Variants in TRMT44 observed in about 807,000 individuals in gnomAD.
The protein encoded by TRMT44 is tRNA methyltransferase 44 homolog.
In TRMT44, 78 loss-of-function variants were observed where a neutral mutation model predicts 77.3. The ratio of observed to expected loss-of-function variants is 1.01; its 90% confidence interval spans 0.84 to 1.22. The LOEUF (loss-of-function observed/expected upper bound fraction) is 1.22. Ranked by LOEUF, TRMT44 falls within the 50% of genes most tolerant of loss-of-function variation. The probability of loss-of-function intolerance (pLI) is 0.00; values close to 1 mark genes in which losing one functional copy is unlikely to be tolerated. For synonymous variants in TRMT44, 391 were observed against 383.3 expected (o/e 1.02, Z -0.23); for missense variants, 1,090 against 964.4 (o/e 1.13, Z -1.73).
chr4:8,474,610 C>T (rs766588876), intron 10 of TRMT44, among the ~76,000 whole-genome samples: 19 of 152,224 alleles, frequency 1.2e-4, no homozygotes, highest in African/African-American at 3.1e-4. Flanking sequence ...AGGCAGAATT[C>T]GAGCTTTAAT....
rs565699312 is a variant in TRMT44 at position 8,468,187 on chromosome 4, C to T, written c.1768C>T (p.His590Tyr). Residue 590 changes from histidine (H) to tyrosine (Y), a missense_variant, in exon 9 of 11, where the codon CAT becomes TAT. Physicochemically the swap from His to Tyr is moderately conservative, Grantham distance 83 (BLOSUM62 2). Transcript: ENST00000389737. ...QAEGPWLPGF[H>Y]PREKAERVRN... ...TGAAGGACCCTGGCTACCTGGATTT[C>T]ATCCCAGAGAAAAGGCTGAGCGTGT... 16 of 1,614,214 alleles carry T rather than the reference C, an allele frequency of 9.9e-6. 1 individual carries two copies. In the African/African-American group the frequency reaches 1.7e-4, roughly 17 times the overall value.
chr4:8,457,214 T>G (rs912599737), intron 6 of TRMT44, among the ~76,000 whole-genome samples: 4 of 152,040 alleles, frequency 2.6e-5, no homozygotes, highest in Non-Finnish European at 5.9e-5. Context: ...TCTGTGCAAA[T>G]GGAATCAGAT....
At chr4:8,449,949 C>CTTTTTTTTTCTTTTTTTT in intron 3 of TRMT44, 61 bp downstream of exon 3, 3 of 238,688 alleles carry the variant, frequency 1.3e-5, no homozygotes, top group South Asian at 6.0e-5. Flanking sequence ...CTTTTCTTTT[C>CTTTTTTTTTCTTTTTTTT]TTTTTTTTTT....
At chr4:8,474,231 C>G (rs968968126) in intron 10 of TRMT44, among the ~76,000 whole-genome samples, 1 of 152,202 alleles carries the variant, frequency 6.6e-6, no homozygotes, top group Non-Finnish European at 1.5e-5. Context: ...AAGCTCTGGC[C>G]CCTGGGGCTC....
At position 8,467,489 on chromosome 4, in the gene TRMT44, T is replaced by G. The variant is rs370463249; in HGVS notation, c.1495-425T>G. Among the ~76,000 whole-genome samples the G allele has an allele frequency of 1.8e-4, 28 of 152,268 alleles. No homozygotes were observed. The East Asian group carries it at 4.4e-3, about 24-fold the overall frequency. On this transcript the variant is annotated intron_variant, in intron 8 of 10. Transcript: ENST00000389737. ...TATTTTGTATTTATTTTTATTGATT[T>G]ATTTATTTTGAGATGGAGTTTTTGC...
intron 10 of TRMT44, among the ~76,000 whole-genome samples, chr4:8,471,490 G>T (rs375816504): frequency 6.6e-6 from 1 of 152,232 alleles, no homozygotes; most frequent in Non-Finnish European, 1.5e-5. Flanking sequence ...CTTGCTCCAC[G>T]CAGGACAGAG....
In TRMT44 at chr4:8,440,944, C is replaced by G. The variant is rs1490584294; in HGVS notation, c.122C>G (p.Ala41Gly). The G allele has an allele frequency of 6.5e-7, 1 of 1,529,438 alleles. No homozygotes were observed. Among genetic ancestry groups the G allele is most frequent in the Non-Finnish European group, 8.7e-7 (1 of 1,145,180 alleles). The allele number at this position is 1,529,438 out of a possible 1,614,324, so 94.7% of individuals were successfully genotyped here. ...PQVANKRLCGARLEARWSAAL... is the reference protein window; with the variant it reads ...PQVANKRLCGGRLEARWSAAL... ...GTGGCAAACAAACGGCTTTGCGGCG[C>G]CCGCCTGGAGGCCCGCTGGAGCGCC... The change falls in exon 1 of 11, where the codon GCC becomes GGC. Residue 41 changes from alanine (A) to glycine (G), a missense_variant. Transcript: ENST00000389737.
intron 2 of TRMT44, among the ~76,000 whole-genome samples, chr4:8,448,067 G>A (rs891725551): frequency 3.3e-5 from 5 of 152,036 alleles, no homozygotes; most frequent in Non-Finnish European, 5.9e-5. Flanking sequence ...GACGTTCACT[G>A]CTCTTTAACG....
intron 9 of TRMT44, 50 bp from the exon 10 acceptor site, chr4:8,471,034 G>A (rs375261110): frequency 1.1e-5 from 15 of 1,305,982 alleles, no homozygotes; most frequent in African/African-American, 5.9e-5. Flanking sequence ...TGACAGGTTC[G>A]TAATATTTTG....
In TRMT44 at chr4:8,440,860, G is replaced by A; in HGVS notation, c.38G>A (p.Gly13Asp). The A allele has an allele frequency of 1.3e-6, 2 of 1,518,226 alleles. No homozygotes were observed. Among genetic ancestry groups the A allele is most frequent in the Non-Finnish European group, 1.8e-6 (2 of 1,139,500 alleles). The allele number at this position is 1,518,226 out of a possible 1,614,324, so 94.0% of individuals were successfully genotyped here. Residue 13 changes from glycine to aspartate, a missense_variant, in exon 1 of 11, where the codon GGC becomes GAC. By Grantham distance (94) the Gly-to-Asp change is moderately conservative (BLOSUM62 -1). Transcript: ENST00000389737. ...GGCCGTACCGGGATCAGCTACCCAG[G>A]CGCGCTTCTCCCACAGGGCTTCTGG... ...EVGRTGISYP[G>D]ALLPQGFWAA...
the TRMT44 span, among the ~76,000 whole-genome samples, chr4:8,503,866 G>T: frequency 6.6e-6 from 1 of 152,206 alleles, no homozygotes; most frequent in Middle Eastern, 3.2e-3. Context: ...AGCCCCTCTT[G>T]TTCTTATCCT....
At chr4:8,471,054 T>A (rs1382666769) in intron 9 of TRMT44, 30 bp from the exon 10 acceptor site, 2 of 1,502,862 alleles carry the variant, frequency 1.3e-6, no homozygotes, top group Non-Finnish European at 9.1e-7. Context: ...GCTGTTGTTT[T>A]GGGGAAAAAA....
At chr4:8,473,840 G>A (rs1727188482) in intron 10 of TRMT44, among the ~76,000 whole-genome samples, 1 of 152,174 alleles carries the variant, frequency 6.6e-6, no homozygotes, top group Admixed American at 6.5e-5. Flanking sequence ...GGTGTTAAGA[G>A]GGGCGGCCGG....
In TRMT44 at chr4:8,446,497, C is replaced by T. The variant is rs982649491; in HGVS notation, c.641C>T (p.Thr214Met). The stretch of plus-strand genomic sequence containing the variant: ...CCAGATGTCCTCAATGGAACCATAA[C>T]GTTTTTGCCTTTGGAAGAAGATGAT... ...VVQDVLNGTITFLPLEEDDEG... is the reference protein window; with the variant it reads ...VVQDVLNGTIMFLPLEEDDEG... Residue 214 changes from threonine (T) to methionine (M), a missense_variant, in exon 2 of 11, where the codon ACG becomes ATG. Transcript: ENST00000389737. The surrounding 1 kb of genome is among the most constrained non-coding windows in gnomAD (Gnocchi z 4.3). The T allele has an allele frequency of 3.8e-5, 59 of 1,536,060 alleles. No individual in the cohort carries two copies. The highest frequency in any genetic ancestry group is 2.7e-4 in the Admixed American group (14 of 50,944).
chr4:8,488,782 G>A (rs574360354), intron 2 of TRMT44, among the ~76,000 whole-genome samples: 6 of 152,272 alleles, frequency 3.9e-5, no homozygotes, highest in South Asian at 2.1e-4. Flanking sequence ...GTGCCTTCTC[G>A]GCAGACTCTT....
At chr4:8,515,726 T>C in the TRMT44 span, among the ~76,000 whole-genome samples, 1 of 152,190 alleles carries the variant, frequency 6.6e-6, no homozygotes, top group Non-Finnish European at 1.5e-5. Context: ...GCCCAAATAT[T>C]GTTCCCCAGG....
rs768364225 is a variant in TRMT44 at position 8,441,285 on chromosome 4, C to T, written c.463C>T (p.Arg155Cys). Reference protein sequence around the residue: ...LWEDFSQSLARGNSELLAFLT... With the variant: ...LWEDFSQSLACGNSELLAFLT... The stretch of plus-strand genomic sequence containing the variant: ...GGAGGATTTCTCCCAAAGTCTCGCC[C>T]GTGGCAATTCGGAGTTGCTGGCCTT... The change falls in exon 1 of 11, where the codon CGT (arginine) becomes TGT (cysteine). Residue 155 changes from arginine (R) to cysteine (C), a missense_variant. Coordinates refer to ENST00000389737, the MANE Select transcript of TRMT44 (RefSeq NM_152544.3). 1.2e-5 allele frequency: 18 copies of T among 1,535,396 alleles called. No homozygotes were observed. Among genetic ancestry groups the T allele is most frequent in the Non-Finnish European group, 1.5e-5 (17 of 1,146,658 alleles).
chr4:8,473,209 C>T (rs182961177), intron 10 of TRMT44: 5 of 152,424 alleles, frequency 3.3e-5, no homozygotes, highest in Non-Finnish European at 7.3e-5. Flanking sequence ...TCAGCCAGCC[C>T]TGAGCATGAC....
In TRMT44 at chr4:8,441,063, G is replaced by GGGGGCCCGGGTCCCAGGTCGCTATC. The variant is rs1560214882; in HGVS notation, c.242_266dup (p.Glu92GlyfsTer18). The GGGGGCCCGGGTCCCAGGTCGCTATC allele has an allele frequency of 6.7e-7, 1 of 1,486,700 alleles. No individual in the cohort carries two copies. Among genetic ancestry groups the GGGGGCCCGGGTCCCAGGTCGCTATC allele is most frequent in the Non-Finnish European group, 8.9e-7 (1 of 1,124,346 alleles). The allele number at this position is 1,486,700 out of a possible 1,614,324, so 92.1% of individuals were successfully genotyped here. The stretch of plus-strand genomic sequence containing the variant: ...GGGACCCGGCCAGGGTTCCCCCGGA[G>GGGGGCCCGGGTCCCAGGTCGCTATC]GGGGCCCGGGTCCCAGGTCGCTATC... On this transcript the variant is annotated frameshift_variant, in exon 1 of 11. Coordinates refer to ENST00000389737, the MANE Select transcript of TRMT44 (RefSeq NM_152544.3). LOFTEE classifies it high-confidence loss of function.
Sources: gnomAD v4.1 joint callset for allele counts (sites outside exome capture counted in the v4.1 genomes callset) on GRCh38, gnomAD v4.1.1 for gene constraint, Gnocchi (gnomAD v3.1) non-coding constraint, MANE v1.5 for transcripts, NCBI Gene and HGNC (gene_info 2026-07-23, HGNC 2026-07-21) for gene names.